Variants in RANBP2 observed in about 807,000 individuals in gnomAD.
The protein encoded by RANBP2 is E3 SUMO-protein ligase RanBP2.
Under a neutral mutation model 303.6 loss-of-function variants are expected in RANBP2, and 57 were observed. The ratio of observed to expected loss-of-function variants is 0.19; its 90% CI spans 0.15 to 0.23. The LOEUF is 0.23. RANBP2 is among the 10% of genes least tolerant of loss of function. The probability of loss-of-function intolerance (pLI) is 1.00; values close to 1 mark genes in which losing one functional copy is unlikely to be tolerated. For synonymous variants in RANBP2, 1,167 were observed against 1,301.5 expected (o/e 0.90, Z 2.23); for missense variants, 3,138 against 3,780.8 (o/e 0.83, Z 4.46).
the RANBP2 span, among the ~76,000 whole-genome samples, chr2:109,505,139 G>A: frequency 1.3e-5 from 2 of 152,196 alleles, no homozygotes; most frequent in Admixed American, 1.3e-4. Context: ...AGCACAGGAT[G>A]GGGGTGCAGG....
chr2:109,387,866 G>C, the RANBP2 span, among the ~76,000 whole-genome samples: 7 of 152,036 alleles, frequency 4.6e-5, no homozygotes, highest in Non-Finnish European at 7.4e-5. Flanking sequence ...GTTGGGGGGG[G>C]GGTCTCCTCC....
At chr2:108,879,414 A>T in the RANBP2 span, among the ~76,000 whole-genome samples, 62 of 152,330 alleles carry the variant, frequency 4.1e-4, no homozygotes, top group Non-Finnish European at 6.8e-4. Flanking sequence ...AAATCATCCA[A>T]ATTCATTTTA....
chr2:108,792,612 A>G, the RANBP2 span, among the ~76,000 whole-genome samples: 38 of 152,306 alleles, frequency 2.5e-4, no homozygotes, highest in African/African-American at 8.4e-4. Context: ...CTTTTAGGGC[A>G]TTTGCTGAAC....
At chr2:109,734,432 G>T in the RANBP2 span, among the ~76,000 whole-genome samples, 1 of 151,550 alleles carries the variant, frequency 6.6e-6, no homozygotes, top group Non-Finnish European at 1.5e-5. Flanking sequence ...AACTGAAGAG[G>T]TGAAAGATTA....
chr2:109,010,562 A>T, the RANBP2 span, among the ~76,000 whole-genome samples: 1 of 152,112 alleles, frequency 6.6e-6, no homozygotes, highest in East Asian at 1.9e-4. Context: ...AGGCTTGCAG[A>T]TGGCTGTCTT....
chr2:109,673,164 C>T, the RANBP2 span, among the ~76,000 whole-genome samples: 4 of 152,120 alleles, frequency 2.6e-5, no homozygotes, highest in East Asian at 1.9e-4. Flanking sequence ...AGCAGAATTA[C>T]GGGATGGTTA....
the RANBP2 span, among the ~76,000 whole-genome samples, chr2:109,523,138 G>A: frequency 1.3e-5 from 2 of 152,134 alleles, no homozygotes; most frequent in Non-Finnish European, 2.9e-5. Context: ...GCGGCTGATG[G>A]CAGGCTCCTT....
the RANBP2 span, among the ~76,000 whole-genome samples, chr2:109,693,052 A>C: frequency 7.2e-5 from 11 of 151,776 alleles, no homozygotes; most frequent in South Asian, 4.1e-4. Context: ...CAACACAGAG[A>C]CCTTAAGACT....
At chr2:109,354,466 T>A in the RANBP2 span, among the ~76,000 whole-genome samples, 2 of 152,252 alleles carry the variant, frequency 1.3e-5, no homozygotes, top group Non-Finnish European at 2.9e-5. Flanking sequence ...AGGGACTGCT[T>A]CTGGCATTTT....
chr2:109,368,405 TTGGCATATACAG>T, the RANBP2 span, among the ~76,000 whole-genome samples: 2 of 152,340 alleles, frequency 1.3e-5, no homozygotes, highest in Admixed American at 6.5e-5. Context: ...GGAATGAATT[TTGGCATATACAG>T]TGGATTAGAG....
the RANBP2 span, among the ~76,000 whole-genome samples, chr2:109,447,857 T>G: frequency 6.6e-6 from 1 of 152,202 alleles, no homozygotes; most frequent in African/African-American, 2.4e-5. Context: ...AAGAATTGTT[T>G]TTGCTGGCAG....
chr2:108,758,228 T>C (rs1203577410), intron 17 of RANBP2, among the ~76,000 whole-genome samples, 185 bp from the exon 18 acceptor site: 1 of 146,900 alleles, frequency 6.8e-6, no homozygotes, highest in Admixed American at 7.0e-5. Context: ...GCCCAGGAGG[T>C]GGAGGTTGCG....
the RANBP2 span, chr2:108,882,519 C>G: frequency 2.0e-5 from 3 of 152,220 alleles, no homozygotes; most frequent in Non-Finnish European, 4.4e-5. Flanking sequence ...GAGGGCGTTA[C>G]TTGGCAAAGC....
At chr2:109,611,045 C>G in the RANBP2 span, among the ~76,000 whole-genome samples, 1 of 152,274 alleles carries the variant, frequency 6.6e-6, no homozygotes, top group Admixed American at 6.5e-5. Context: ...CAAATATGCT[C>G]AACTGACTTT....
At chr2:108,899,847 G>A in the RANBP2 span, among the ~76,000 whole-genome samples, 8 of 152,180 alleles carry the variant, frequency 5.3e-5, no homozygotes, top group East Asian at 3.9e-4. Context: ...ACACATTGGC[G>A]TGGTAGTGCA....
At chr2:109,447,170 AAAAG>A in the RANBP2 span, among the ~76,000 whole-genome samples, 1 of 145,528 alleles carries the variant, frequency 6.9e-6, no homozygotes, top group African/African-American at 2.6e-5. Flanking sequence ...AAAAAAAAAG[AAAAG>A]AAAAAGAAAA....
the RANBP2 span, among the ~76,000 whole-genome samples, chr2:109,602,398 G>A: frequency 2.6e-5 from 4 of 152,064 alleles, no homozygotes; most frequent in East Asian, 3.9e-4. Flanking sequence ...AAAGTAAGCC[G>A]GGCACGGTGG....
the RANBP2 span, among the ~76,000 whole-genome samples, chr2:109,266,677 C>T: frequency 1.3e-5 from 2 of 152,044 alleles, no homozygotes; most frequent in Non-Finnish European, 2.9e-5. Flanking sequence ...GGAGCCAGTG[C>T]TCAGCCACAG....
chr2:109,013,343 C>T, the RANBP2 span, among the ~76,000 whole-genome samples: 836 of 152,298 alleles, frequency 5.5e-3, 12 homozygotes, highest in African/African-American at 0.019. Flanking sequence ...TGCAAAGCTA[C>T]GTTTTTATTG....
Sources: gnomAD v4.1 joint callset for allele counts (sites outside exome capture counted in the v4.1 genomes callset) on GRCh38, gnomAD v4.1.1 for gene constraint, MANE v1.5 for transcripts, NCBI Gene and HGNC (gene_info 2026-07-23, HGNC 2026-07-21) for gene names.